The following OR51B5 variants were observed in gnomAD, a reference collection of about 807,000 sequenced individuals.
The protein encoded by OR51B5 is olfactory receptor family 51 subfamily B member 5.
For synonymous variants in OR51B5, 186 were observed against 144.8 expected, an observed-to-expected ratio of 1.28 and a Z score of -2.04; for missense variants, 456 against 374.6, an observed-to-expected ratio of 1.22 and a Z score of -1.79.
chr11:5,345,248 G>T (rs796783749), upstream of OR51B5, among the ~76,000 whole-genome samples: 14 of 152,206 alleles, frequency 9.2e-5, no homozygotes, highest in African/African-American at 3.4e-4. Flanking sequence ...TACTCACTTA[G>T]ACTGCTATGT....
At chr11:5,422,781 T>C (rs1850370279) in intron 1 of OR51B5, 1 of 1,614,156 alleles carries the variant, frequency 6.2e-7, no homozygotes, top group Non-Finnish European at 8.5e-7. Context: ...TGTGCTGACA[T>C]CAGGCTCAAC....
intron 1 of OR51B5, among the ~76,000 whole-genome samples, chr11:5,371,082 C>G (rs530791656): frequency 6.6e-5 from 10 of 152,140 alleles, no homozygotes; most frequent in Non-Finnish European, 1.3e-4. Flanking sequence ...GATTTTGAAC[C>G]CTTCCTTCTG....
intron 1 of OR51B5, among the ~76,000 whole-genome samples, chr11:5,439,150 A>G (rs748738480): frequency 4.6e-5 from 7 of 151,910 alleles, no homozygotes; most frequent in African/African-American, 7.2e-5. Context: ...TGGGAGCCCT[A>G]AAGTTGGAGT....
At chr11:5,350,400 C>A (rs1849060440) in intron 1 of OR51B5, among the ~76,000 whole-genome samples, 1 of 152,206 alleles carries the variant, frequency 6.6e-6, no homozygotes, top group African/African-American at 2.4e-5. Flanking sequence ...TATGCTCTTT[C>A]AATAGTATAT....
intron 1 of OR51B5, among the ~76,000 whole-genome samples, chr11:5,367,994 T>C (rs1174756038): frequency 6.6e-6 from 1 of 152,200 alleles, no homozygotes. Flanking sequence ...TCTACCAGAG[T>C]AGAGCTACTT....
At chr11:5,375,181 A>G (rs1172707433) in intron 1 of OR51B5, among the ~76,000 whole-genome samples, 1 of 147,204 alleles carries the variant, frequency 6.8e-6, no homozygotes, top group South Asian at 2.3e-4. Context: ...CCAATATTCA[A>G]CATCCTTAAA....
chr11:5,390,385 G>A (rs1461687690), intron 1 of OR51B5: 9 of 1,578,468 alleles, frequency 5.7e-6, no homozygotes, highest in Middle Eastern at 3.3e-4. Context: ...AATGAGTCCT[G>A]GGGCTAAAAC....
chr11:5,490,789 G>A (rs189920251), intron 1 of OR51B5, among the ~76,000 whole-genome samples: 1 of 152,210 alleles, frequency 6.6e-6, no homozygotes, highest in Admixed American at 6.5e-5. Flanking sequence ...TCTACTAGCT[G>A]CAAGAATTAG....
chr11:5,505,542 T>A (rs1169284599), intron 1 of OR51B5: 1 of 1,148,780 alleles, frequency 8.7e-7, no homozygotes, highest in Non-Finnish European at 1.1e-6. Context: ...GGGCAATTTA[T>A]AAAAGAAAGA....
At chr11:5,477,843 C>A (rs1265271262) in intron 1 of OR51B5, among the ~76,000 whole-genome samples, 2 of 152,326 alleles carry the variant, frequency 1.3e-5, no homozygotes, top group Non-Finnish European at 2.9e-5. Context: ...ATATCCCGCA[C>A]CTGGCTCGGA....
intron 1 of OR51B5, chr11:5,488,818 T>C: frequency 1.2e-6 from 2 of 1,614,096 alleles, no homozygotes; most frequent in Non-Finnish European, 8.5e-7. Context: ...CTGTGCCATG[T>C]ATCTTGTAGC....
intron 1 of OR51B5, among the ~76,000 whole-genome samples, chr11:5,486,445 AC>A (rs1367331167): frequency 2.0e-5 from 3 of 151,362 alleles, no homozygotes; most frequent in Non-Finnish European, 4.4e-5. Context: ...GTTACTGGAG[AC>A]CTGAGGAGGA....
chr11:5,457,653 T>C lies in OR51B5; in HGVS notation n.84+47916A>G, dbSNP rs144553895. On this transcript the variant is annotated intron_variant and non_coding_transcript_variant, in intron 1 of 4. Coordinates refer to the OR51B5 transcript ENST00000415970. ...CTGTAATTTTTTTACTTTTTAGTAA[T>C]AGTCATTTCTCACTGGTATGAGATG... 8.4e-3 allele frequency among the ~76,000 whole-genome samples: 1,281 copies of C among 152,334 alleles called. 12 individuals carry two copies. The highest frequency in any genetic ancestry group is 0.054 in the Middle Eastern group (16 of 294).
chr11:5,467,344 A>C (rs1851152375), intron 1 of OR51B5, among the ~76,000 whole-genome samples: 1 of 152,238 alleles, frequency 6.6e-6, no homozygotes, highest in South Asian at 2.1e-4. Flanking sequence ...CTATACTGCA[A>C]CTATGTTTAG....
chr11:5,351,522 G>C (rs1188254921), intron 1 of OR51B5: 3 of 1,611,958 alleles, frequency 1.9e-6, no homozygotes, highest in Middle Eastern at 1.7e-4. Context: ...GGCTCAATAA[G>C]TCTGCTTCCA....
At chr11:5,472,704 C>T (rs1005970317) in intron 1 of OR51B5, among the ~76,000 whole-genome samples, 1 of 152,196 alleles carries the variant, frequency 6.6e-6, no homozygotes, top group Admixed American at 6.5e-5. Flanking sequence ...ATTTTCAGCT[C>T]CTCATTTTGT....
chr11:5,401,576 C>T (rs1249788768), intron 1 of OR51B5, among the ~76,000 whole-genome samples: 2 of 152,224 alleles, frequency 1.3e-5, no homozygotes, highest in African/African-American at 4.8e-5. Flanking sequence ...ATTCATTCTT[C>T]AGGTAATTTT....
chr11:5,429,840 C>T (rs1850509508), intron 1 of OR51B5, among the ~76,000 whole-genome samples: 1 of 152,186 alleles, frequency 6.6e-6, no homozygotes, highest in Non-Finnish European at 1.5e-5. Context: ...TGGGATTCTA[C>T]TAAAGAAGAA....
chr11:5,466,415 G>A (rs1468128695), intron 1 of OR51B5, among the ~76,000 whole-genome samples: 1 of 152,066 alleles, frequency 6.6e-6, no homozygotes, highest in African/African-American at 2.4e-5. Flanking sequence ...TTTTACTGTG[G>A]AAATGAAAGG....
Sources: allele counts gnomAD v4.1 joint callset (sites outside exome capture counted in the v4.1 genomes callset), GRCh38; gene constraint gnomAD v4.1.1; transcripts MANE v1.5; gene names NCBI Gene and HGNC (gene_info 2026-07-23, HGNC 2026-07-21).